The following WDR41 variants were observed in gnomAD, a reference collection of about 807,000 sequenced individuals.
WDR41 encodes the protein WD repeat domain 41, also known as WD repeat-containing protein 41.
Under a neutral mutation model 69.3 loss-of-function variants are expected in WDR41, and 63 were observed. That is an observed-to-expected ratio of 0.91 (90% CI 0.74 to 1.12). The LOEUF (loss-of-function observed/expected upper bound fraction) is 1.12. Among genes scored for constraint, WDR41 ranks in the 50% most tolerant of loss-of-function variants. The pLI, the probability that WDR41 is intolerant of heterozygous loss-of-function variation, is 0.00. For missense variants in WDR41, 543 were observed against 534.5 expected, an observed-to-expected ratio of 1.02 and a Z score of -0.16; for synonymous variants, 185 against 192.1, an observed-to-expected ratio of 0.96 and a Z score of 0.31.
intron 2 of WDR41, among the ~76,000 whole-genome samples, chr5:77,477,933 C>G (rs987975046): frequency 7.0e-5 from 10 of 141,862 alleles, no homozygotes; most frequent in African/African-American, 2.7e-4. Flanking sequence ...GCTAGCAAGA[C>G]TAATAAAGAA....
chr5:77,575,113 A>C (rs1743806340), intron 1 of WDR41, among the ~76,000 whole-genome samples: 1 of 152,216 alleles, frequency 6.6e-6, no homozygotes. Flanking sequence ...TGTCACACTG[A>C]AACTTATTTA....
At chr5:77,521,268 C>A (rs1013022093) in intron 1 of WDR41, among the ~76,000 whole-genome samples, 2 of 152,306 alleles carry the variant, frequency 1.3e-5, no homozygotes, top group African/African-American at 4.8e-5. Context: ...ACCTCGCATG[C>A]GCAGTTCACA....
chr5:77,494,144 G>T (rs910431857), upstream of WDR41, among the ~76,000 whole-genome samples: 1 of 152,032 alleles, frequency 6.6e-6, no homozygotes, highest in Non-Finnish European at 1.5e-5. Context: ...AATTCTCATG[G>T]TAAACACAAA....
intron 5 of WDR41, among the ~76,000 whole-genome samples, chr5:77,456,746 G>A (rs962749461): frequency 2.0e-5 from 3 of 152,036 alleles, no homozygotes; most frequent in African/African-American, 7.2e-5. Flanking sequence ...CTATCGCCCA[G>A]GCTAGAGTGC....
At chr5:77,498,997 G>A (rs1384625967) in intron 1 of WDR41, among the ~76,000 whole-genome samples, 2 of 151,978 alleles carry the variant, frequency 1.3e-5, no homozygotes, top group Non-Finnish European at 2.9e-5. Flanking sequence ...AATAGACTAG[G>A]GAAAATATTT....
At chr5:77,599,730 T>G (rs923660987) in intron 1 of WDR41, among the ~76,000 whole-genome samples, 15 of 152,342 alleles carry the variant, frequency 9.8e-5, no homozygotes, top group African/African-American at 3.6e-4. Flanking sequence ...GCCCTCTTTC[T>G]TTACAGCTAT....
At chr5:77,532,444 G>T (rs544590101) in intron 1 of WDR41, among the ~76,000 whole-genome samples, 5 of 152,222 alleles carry the variant, frequency 3.3e-5, no homozygotes, top group Admixed American at 6.5e-5. Context: ...AATCCTTCTT[G>T]TAGGTATATA....
intron 1 of WDR41, among the ~76,000 whole-genome samples, chr5:77,577,390 C>T (rs1743855002): frequency 7.1e-6 from 1 of 140,556 alleles, no homozygotes; most frequent in African/African-American, 2.6e-5. Flanking sequence ...CAAGTATCAT[C>T]AATAAAATAT....
At chr5:77,609,852 C>T (rs1263033572) in intron 1 of WDR41, among the ~76,000 whole-genome samples, 1 of 151,900 alleles carries the variant, frequency 6.6e-6, no homozygotes, top group Non-Finnish European at 1.5e-5. Context: ...GACAATCAAA[C>T]TACTCTGAGC....
chr5:77,611,525 T>G (rs1744551189), intron 1 of WDR41, among the ~76,000 whole-genome samples: 1 of 152,176 alleles, frequency 6.6e-6, no homozygotes, highest in African/African-American at 2.4e-5. Context: ...CTCAACTACA[T>G]GGAAACTGAA....
At chr5:77,547,696 G>A (rs1044328409) in intron 1 of WDR41, among the ~76,000 whole-genome samples, 2 of 152,066 alleles carry the variant, frequency 1.3e-5, no homozygotes, top group African/African-American at 4.8e-5. Context: ...TTGTGAAAAT[G>A]ACCACACTGC....
intron 1 of WDR41, among the ~76,000 whole-genome samples, chr5:77,524,693 C>T (rs1438505961): frequency 6.6e-6 from 1 of 152,112 alleles, no homozygotes; most frequent in Non-Finnish European, 1.5e-5. Flanking sequence ...TCCTCAACTC[C>T]ATAGCTCTTA....
intron 1 of WDR41, among the ~76,000 whole-genome samples, chr5:77,531,128 A>T (rs1191586722): frequency 1.3e-5 from 2 of 151,938 alleles, no homozygotes; most frequent in Non-Finnish European, 2.9e-5. Context: ...CCAAAAGTAC[A>T]AATAACAGCA....
At chr5:77,511,448 C>T (rs1322864092) in intron 1 of WDR41, among the ~76,000 whole-genome samples, 1 of 152,186 alleles carries the variant, frequency 6.6e-6, no homozygotes, top group Non-Finnish European at 1.5e-5. Context: ...GTAATGAGTG[C>T]ATTTGTGATG....
intron 1 of WDR41, among the ~76,000 whole-genome samples, chr5:77,580,254 T>C (rs1743912067): frequency 6.6e-6 from 1 of 152,170 alleles, no homozygotes; most frequent in Non-Finnish European, 1.5e-5. Context: ...CAGTTCAGTA[T>C]GGCTGGAGAG....
chr5:77,619,864 G>C (rs1744744688), intron 1 of WDR41, among the ~76,000 whole-genome samples: 1 of 152,162 alleles, frequency 6.6e-6, no homozygotes, highest in Non-Finnish European at 1.5e-5. Flanking sequence ...AGGTGCCTCT[G>C]TATACTTAGC....
At chr5:77,541,768 GAA>G (rs1462275417) in intron 1 of WDR41, among the ~76,000 whole-genome samples, 6 of 152,110 alleles carry the variant, frequency 3.9e-5, no homozygotes, top group Non-Finnish European at 8.8e-5. Flanking sequence ...GTTGGGATTA[GAA>G]GCATGAGCAA....
intron 1 of WDR41, among the ~76,000 whole-genome samples, chr5:77,613,681 C>T (rs997795483): frequency 3.3e-5 from 5 of 152,180 alleles, no homozygotes; most frequent in African/African-American, 7.2e-5. Context: ...AGACCTAAAA[C>T]CATAAAAACC....
chr5:77,451,588 T>G (rs1440400646), intron 6 of WDR41: 1 of 417,662 alleles, frequency 2.4e-6, no homozygotes, highest in Admixed American at 4.1e-5. Flanking sequence ...GGGTTGGGTT[T>G]TTTTGTACTT....
Sources: gnomAD v4.1 joint callset for allele counts (sites outside exome capture counted in the v4.1 genomes callset) on GRCh38, gnomAD v4.1.1 for gene constraint, MANE v1.5 for transcripts, NCBI Gene and HGNC (gene_info 2026-07-23, HGNC 2026-07-21) for gene names.